The following GREB1L variants were observed in gnomAD, a reference collection of about 807,000 sequenced individuals.
GREB1L encodes GREB1-like protein.
A neutral mutation model predicts 200.8 loss-of-function variants in GREB1L; 17 were observed. The observed-to-expected ratio is 0.08, with a 90% CI of 0.06 to 0.13. The LOEUF (loss-of-function observed/expected upper bound fraction) is 0.13. Ranked by LOEUF, GREB1L falls within the 10% of genes least tolerant of loss-of-function variation. The probability of loss-of-function intolerance (pLI) is 1.00; values close to 1 mark genes in which losing one functional copy is unlikely to be tolerated. For missense variants in GREB1L, 1,657 were observed against 2,367.7 expected (o/e 0.70, Z 6.23); for synonymous variants, 789 against 893.0 (o/e 0.88, Z 2.08).
At chr18:21,468,637 A>G in intron 15 of GREB1L, 1 of 447,922 alleles carries the variant, frequency 2.2e-6, no homozygotes, top group South Asian at 1.6e-5. Context: ...CTATAATACA[A>G]TTATCAGAGC....
intron 7 of GREB1L, among the ~76,000 whole-genome samples, chr18:21,428,332 CTTTTTTTTTTTTTTTTT>C (rs59982674): frequency 1.9e-5 from 1 of 54,024 alleles, no homozygotes; most frequent in African/African-American, 6.4e-5. Context: ...GTCTTTTTGT[CTTTTTTTTTTTTTTTTT>C]TTTTTTTTTG....
At chr18:21,278,178 G>A (rs1479254751) in intron 1 of GREB1L, among the ~76,000 whole-genome samples, 2 of 151,962 alleles carry the variant, frequency 1.3e-5, no homozygotes, top group Non-Finnish European at 2.9e-5. Context: ...TCAGGAGTTC[G>A]AGACCAGCCT....
intron 5 of GREB1L, among the ~76,000 whole-genome samples, chr18:21,400,199 A>T (rs2041260719): frequency 6.6e-6 from 1 of 152,032 alleles, no homozygotes; most frequent in African/African-American, 2.4e-5. Context: ...GGGGATGGAA[A>T]AATTGATTTT....
chr18:21,337,429 A>T (rs1449862032), intron 1 of GREB1L, among the ~76,000 whole-genome samples: 3 of 152,224 alleles, frequency 2.0e-5, no homozygotes, highest in South Asian at 2.1e-4. Context: ...TGCTACAGGC[A>T]TCCAAGAAGT....
chr18:21,343,034 A>G (rs1272927023), intron 1 of GREB1L, among the ~76,000 whole-genome samples: 9 of 152,228 alleles, frequency 5.9e-5, no homozygotes, highest in Non-Finnish European at 1.3e-4. Flanking sequence ...CAATTTGGTT[A>G]TTTAAAAAAC....
chr18:21,327,985 A>T (rs1368944889), intron 1 of GREB1L, among the ~76,000 whole-genome samples: 1 of 152,130 alleles, frequency 6.6e-6, no homozygotes, highest in Non-Finnish European at 1.5e-5. Flanking sequence ...AAGTGCTGGG[A>T]TTACAGGCGT....
chr18:21,480,129 T>A (rs1160817002), intron 17 of GREB1L, among the ~76,000 whole-genome samples: 1 of 152,152 alleles, frequency 6.6e-6, no homozygotes. Flanking sequence ...GATGAGTGGA[T>A]CACTTGAGGT....
intron 1 of GREB1L, among the ~76,000 whole-genome samples, chr18:21,360,302 T>G (rs1005696788): frequency 1.1e-4 from 17 of 152,336 alleles, no homozygotes; most frequent in African/African-American, 3.8e-4. Context: ...CCCTGCAACC[T>G]CCGCCTCCCG....
intron 17 of GREB1L, among the ~76,000 whole-genome samples, chr18:21,484,544 C>CA (rs1391312744): frequency 6.6e-6 from 1 of 152,170 alleles, no homozygotes; most frequent in African/African-American, 2.4e-5. Flanking sequence ...GGGCCAGGCG[C>CA]AGTAGCTTAC....
At chr18:21,438,540 A>C (rs2033687882) in intron 7 of GREB1L, among the ~76,000 whole-genome samples, 1 of 151,518 alleles carries the variant, frequency 6.6e-6, no homozygotes, top group Admixed American at 6.6e-5. Flanking sequence ...GTGGTGGCAC[A>C]CTCCTATAGT....
At chr18:21,465,856 A>AC in intron 15 of GREB1L, among the ~76,000 whole-genome samples, 1 of 152,302 alleles carries the variant, frequency 6.6e-6, no homozygotes, top group African/African-American at 2.4e-5. Context: ...AAAATAAGGA[A>AC]CATGGAAGAC....
At chr18:21,374,674 T>A (rs1004885730) in intron 2 of GREB1L, among the ~76,000 whole-genome samples, 15 of 152,208 alleles carry the variant, frequency 9.9e-5, no homozygotes, top group African/African-American at 3.6e-4. Context: ...ATGATCTTTT[T>A]AAAAATCAGT....
intron 17 of GREB1L, among the ~76,000 whole-genome samples, chr18:21,480,871 T>G (rs757154020): frequency 2.0e-5 from 3 of 151,906 alleles, no homozygotes; most frequent in Non-Finnish European, 4.4e-5. Context: ...AATACAAAAA[T>G]TAGCCAGGCG....
intron 7 of GREB1L, among the ~76,000 whole-genome samples, chr18:21,418,792 T>C (rs1214981067): frequency 6.6e-6 from 1 of 152,198 alleles, no homozygotes; most frequent in Non-Finnish European, 1.5e-5. Context: ...CCCAAAGTGC[T>C]GGGATTACCA....
chr18:21,323,393 A>G (rs1343294035), intron 1 of GREB1L, among the ~76,000 whole-genome samples: 1 of 152,250 alleles, frequency 6.6e-6, no homozygotes, highest in Non-Finnish European at 1.5e-5. Context: ...AGGGCTAATT[A>G]TCCTGACTTT....
At chr18:21,244,870 T>G (rs1337725347) in intron 1 of GREB1L, among the ~76,000 whole-genome samples, 3 of 152,144 alleles carry the variant, frequency 2.0e-5, no homozygotes, top group Admixed American at 6.6e-5. Context: ...TTTAGGAAAA[T>G]TACTCTTACC....
intron 1 of GREB1L, among the ~76,000 whole-genome samples, chr18:21,337,539 G>A (rs968892560): frequency 2.6e-5 from 4 of 152,178 alleles, no homozygotes; most frequent in Non-Finnish European, 5.9e-5. Context: ...CCCTTCTTGA[G>A]GAATTCTGAG....
At chr18:21,452,002 T>C in intron 13 of GREB1L, 81 bp from the exon 14 acceptor site, 1 of 1,363,980 alleles carries the variant, frequency 7.3e-7, no homozygotes, top group Non-Finnish European at 1.0e-6. Flanking sequence ...GAGAACAGCC[T>C]AACTGCCCAA....
chr18:21,451,517 G>A lies in GREB1L; in HGVS notation c.1849+366G>A, dbSNP rs2034524829. ...TTTTTTTTTTTTTTTTTACAGTGTT[G>A]CACTCTATCGCCCAGGCTGGAGTGC... On this transcript the variant is annotated intron_variant, in intron 13 of 32. Transcript: ENST00000424526. The A allele has an allele frequency of 4.8e-5, 7 of 145,648 alleles. No individual in the cohort carries two copies. The South Asian group carries it at 7.7e-4, about 16-fold the overall frequency. 9.0% of individuals were successfully genotyped at this position (145,648 alleles called of 1,614,324 possible). A position where few individuals can be genotyped will look rare whatever the true frequency, so the allele number is the denominator to read the frequency against.
Sources: allele counts gnomAD v4.1 joint callset (sites outside exome capture counted in the v4.1 genomes callset), GRCh38; gene constraint gnomAD v4.1.1; transcripts MANE v1.5; gene names NCBI Gene and HGNC (gene_info 2026-07-23, HGNC 2026-07-21).